Variants in DPYD observed in about 807,000 individuals in gnomAD.
The protein encoded by DPYD is dihydropyrimidine dehydrogenase [NADP(+)].
In DPYD, 109 loss-of-function variants were observed where a neutral mutation model predicts 116.2. That is an observed-to-expected ratio of 0.94 (90% CI 0.80 to 1.10). The LOEUF (loss-of-function observed/expected upper bound fraction) is 1.10. DPYD is among the 50% of genes least tolerant of loss of function. The pLI is 0.00. For missense variants in DPYD, 1,302 were observed against 1,254.5 expected (o/e 1.04, Z -0.57); for synonymous variants, 440 against 432.0 (o/e 1.02, Z -0.23).
At chr1:97,869,011 A>G (rs1489418357) in intron 2 of DPYD, among the ~76,000 whole-genome samples, 1 of 151,838 alleles carries the variant, frequency 6.6e-6, no homozygotes. Flanking sequence ...TTTTTCTATG[A>G]CTGCCTCTAT....
intron 2 of DPYD, among the ~76,000 whole-genome samples, chr1:97,868,346 A>G (rs1558019809): frequency 6.6e-6 from 1 of 151,796 alleles, no homozygotes; most frequent in African/African-American, 2.4e-5. Flanking sequence ...ATAACATACT[A>G]TCTTGATAAC....
intron 1 of DPYD, among the ~76,000 whole-genome samples, chr1:97,901,388 A>C (rs949724232): frequency 6.6e-6 from 1 of 151,868 alleles, no homozygotes; most frequent in Non-Finnish European, 1.5e-5. Context: ...GATTAAAGAA[A>C]AGTCTATTAT....
intron 14 of DPYD, among the ~76,000 whole-genome samples, chr1:97,400,325 T>C (rs1045300465): frequency 6.6e-6 from 1 of 152,180 alleles, no homozygotes; most frequent in African/African-American, 2.4e-5. Flanking sequence ...GATAAGCTTT[T>C]TGATGTGTTG....
intron 14 of DPYD, among the ~76,000 whole-genome samples, chr1:97,445,400 C>A (rs1376791300): frequency 6.6e-6 from 1 of 152,186 alleles, no homozygotes; most frequent in African/African-American, 2.4e-5. Context: ...TTGTTCAGCA[C>A]ACATGCATTA....
intron 1 of DPYD, among the ~76,000 whole-genome samples, chr1:97,893,489 A>G (rs1012215558): frequency 7.5e-6 from 1 of 133,222 alleles, no homozygotes; most frequent in African/African-American, 2.8e-5. Flanking sequence ...TTTATAATCC[A>G]TAGAACTGTA....
chr1:97,271,527 T>C (rs1167498108), intron 18 of DPYD, among the ~76,000 whole-genome samples: 3 of 151,960 alleles, frequency 2.0e-5, no homozygotes, highest in South Asian at 4.2e-4. Context: ...GGAGGAAAAA[T>C]TGTAATAAAG....
chr1:97,325,345 G>C (rs532122144), intron 16 of DPYD, among the ~76,000 whole-genome samples: 3 of 152,064 alleles, frequency 2.0e-5, no homozygotes, highest in African/African-American at 7.2e-5. Flanking sequence ...CTTTCAAATT[G>C]CTACTATTCC....
chr1:97,617,131 G>C (rs1656334234), intron 8 of DPYD, among the ~76,000 whole-genome samples: 1 of 152,130 alleles, frequency 6.6e-6, no homozygotes, highest in Admixed American at 6.6e-5. Context: ...AATGATCCAA[G>C]GATCTAATTC....
At chr1:97,763,509 C>T (rs558024568) in intron 3 of DPYD, among the ~76,000 whole-genome samples, 2 of 152,036 alleles carry the variant, frequency 1.3e-5, no homozygotes, top group Admixed American at 6.6e-5. Flanking sequence ...TCAAGGCTGA[C>T]CTATCCCTTC....
intron 11 of DPYD, among the ~76,000 whole-genome samples, chr1:97,568,806 T>A (rs533113130): frequency 6.6e-6 from 1 of 152,082 alleles, no homozygotes; most frequent in African/African-American, 2.4e-5. Context: ...TGCACAAATA[T>A]TTTTGTGGAT....
Position 97,702,428 on chromosome 1 carries a change from T to A in DPYD, c.484-2881A>T, listed in dbSNP as rs543102652. 4.5e-3 allele frequency among the ~76,000 whole-genome samples: 679 copies of A among 152,024 alleles called. 1 individual carries two copies. Among genetic ancestry groups the A allele is most frequent in the Non-Finnish European group, 7.3e-3 (494 of 67,826 alleles). ...CTAATTTCTTTCATATTTAGTTGAA[T>A]AATTTTAGCTTTGTGAACTAATAAT... is the stretch of plus-strand genomic sequence containing the variant. On this transcript the variant is annotated intron_variant, in intron 5 of 22. Coordinates refer to ENST00000370192, the MANE Select transcript of DPYD (RefSeq NM_000110.4).
chr1:97,559,457 A>G (rs1227105277), intron 11 of DPYD, among the ~76,000 whole-genome samples: 2 of 152,154 alleles, frequency 1.3e-5, no homozygotes, highest in Non-Finnish European at 2.9e-5. Context: ...ATGACTAATT[A>G]TGTATCCATG....
chr1:97,244,677 G>A (rs1011795574), intron 18 of DPYD, among the ~76,000 whole-genome samples: 17 of 151,868 alleles, frequency 1.1e-4, no homozygotes, highest in South Asian at 2.1e-4. Flanking sequence ...ATATATCTAC[G>A]AATATGTATA....
intron 16 of DPYD, among the ~76,000 whole-genome samples, chr1:97,352,416 C>T (rs1005820260): frequency 6.6e-6 from 1 of 152,166 alleles, no homozygotes; most frequent in African/African-American, 2.4e-5. Flanking sequence ...CTTAGTGGAA[C>T]TATCTTTTCA....
intron 8 of DPYD, among the ~76,000 whole-genome samples, chr1:97,650,475 GTTA>G (rs1437988361): frequency 6.6e-6 from 1 of 152,130 alleles, no homozygotes; most frequent in Non-Finnish European, 1.5e-5. Flanking sequence ...CAGTTTCTAA[GTTA>G]TTAACAATTA....
intron 3 of DPYD, among the ~76,000 whole-genome samples, chr1:97,750,328 C>G (rs1168803930): frequency 6.6e-6 from 1 of 151,680 alleles, no homozygotes; most frequent in East Asian, 1.9e-4. Flanking sequence ...ATTGTTAAAT[C>G]CATAAATAAA....
At chr1:97,115,125 T>A (rs1651873585) in intron 20 of DPYD, among the ~76,000 whole-genome samples, 1 of 152,216 alleles carries the variant, frequency 6.6e-6, no homozygotes, top group Admixed American at 6.5e-5. Context: ...TTACTGCTTA[T>A]ACAATGGTGT....
chr1:97,495,117 C>T (rs913578143), intron 13 of DPYD, among the ~76,000 whole-genome samples: 15 of 152,064 alleles, frequency 9.9e-5, no homozygotes, highest in African/African-American at 3.6e-4. Flanking sequence ...CATGTTAAGG[C>T]TTCTGTTATT....
At chr1:97,749,966 T>C (rs1664783258) in intron 3 of DPYD, among the ~76,000 whole-genome samples, 1 of 152,078 alleles carries the variant, frequency 6.6e-6, no homozygotes, top group Admixed American at 6.5e-5. Context: ...ATCAAATAAT[T>C]ATTCCAGGCT....
Sources: gnomAD v4.1 joint callset for allele counts (sites outside exome capture counted in the v4.1 genomes callset) on GRCh38, gnomAD v4.1.1 for gene constraint, MANE v1.5 for transcripts, NCBI Gene and HGNC (gene_info 2026-07-23, HGNC 2026-07-21) for gene names.